ASB17: variants seen among roughly 807,000 people sequenced by gnomAD.
ASB17 encodes the protein ankyrin repeat and SOCS box containing 17.
A neutral mutation model predicts 25.7 loss-of-function variants in ASB17; 26 were observed. The ratio of observed to expected loss-of-function variants is 1.01; its 90% CI spans 0.74 to 1.40. ASB17 has a LOEUF of 1.40. Ranked by LOEUF, ASB17 falls within the 40% of genes most tolerant of loss-of-function variation. ASB17 has a pLI of 0.00. For missense variants in ASB17, 326 were observed against 338.5 expected, an observed-to-expected ratio of 0.96 and a Z score of 0.29; for synonymous variants, 128 against 121.4, an observed-to-expected ratio of 1.05 and a Z score of -0.36.
intron 2 of ASB17, among the ~76,000 whole-genome samples, chr1:75,921,384 G>A (rs1653023404): frequency 6.6e-6 from 1 of 152,124 alleles, no homozygotes; most frequent in African/African-American, 2.4e-5. Flanking sequence ...GGAACTACTG[G>A]ATTCCTTGTT....
At chr1:75,924,551 T>C (rs954888644) in intron 1 of ASB17, among the ~76,000 whole-genome samples, 5 of 152,030 alleles carry the variant, frequency 3.3e-5, no homozygotes, top group African/African-American at 9.7e-5. Flanking sequence ...CATACACATA[T>C]AGAAAGAGAA....
chr1:75,929,350 G>T (rs1165204201), intron 1 of ASB17, among the ~76,000 whole-genome samples: 1 of 151,024 alleles, frequency 6.6e-6, no homozygotes, highest in Non-Finnish European at 1.5e-5. Context: ...TCAGCCTCCC[G>T]AGTAGCTGGG....
At position 75,932,112 on chromosome 1, in the gene ASB17, C is replaced by G. The variant is rs1653336977; in HGVS notation, c.180G>C (p.Leu60Phe). ...CTGTGAGTAGTGCGTCAAAACCATCCAAGTCCACATACCTCAGAATTTTTG... is the reference window on the plus strand; with the variant it reads ...CTGTGAGTAGTGCGTCAAAACCATCGAAGTCCACATACCTCAGAATTTTTG... ...SLAKILRYVD[L>F]DGFDALLTDY... The change falls in exon 1 of 3, where the codon TTG (leucine) becomes TTC (phenylalanine). Residue 60 changes from leucine (L) to phenylalanine (F), a missense_variant. Transcript: ENST00000284142. 1 of 1,613,962 alleles carries G rather than the reference C, an allele frequency of 6.2e-7. No individual in the cohort carries two copies. Among genetic ancestry groups the G allele is most frequent in the Non-Finnish European group, 8.5e-7 (1 of 1,180,008 alleles).
chr1:75,923,320 C>T (rs1353174255), intron 1 of ASB17, among the ~76,000 whole-genome samples: 1 of 152,084 alleles, frequency 6.6e-6, no homozygotes, highest in Non-Finnish European at 1.5e-5. Flanking sequence ...ATCTTGTTTT[C>T]CCTAGAGTGT....
At chr1:75,922,488 C>CA in intron 1 of ASB17, 129 bp from the exon 2 acceptor site, 1 of 118,468 alleles carries the variant, frequency 8.4e-6, no homozygotes, top group Non-Finnish European at 1.3e-5. Flanking sequence ...TTATATGTTT[C>CA]TTTTTTTTTT....
Sources: allele counts gnomAD v4.1 joint callset (sites outside exome capture counted in the v4.1 genomes callset), GRCh38; gene constraint gnomAD v4.1.1; transcripts MANE v1.5; gene names NCBI Gene and HGNC (gene_info 2026-07-23, HGNC 2026-07-21).